The following CD80 variants were observed in gnomAD, a reference collection of about 807,000 sequenced individuals.
CD80 encodes the protein CD80 molecule.
CD80 carries 13 observed loss-of-function variants against 27.1 expected under a neutral mutation model. The observed-to-expected ratio is 0.48, with a 90% CI of 0.31 to 0.76. The LOEUF (loss-of-function observed/expected upper bound fraction) is 0.76, where lower values mean the gene tolerates loss of function less well. Ranked by LOEUF, CD80 falls within the 30% of genes least tolerant of loss-of-function variation. The pLI is 0.04. For missense variants in CD80, 277 were observed against 347.9 expected (o/e 0.80, Z 1.62); for synonymous variants, 125 against 125.5 (o/e 1.00, Z 0.03).
chr3:119,526,698 G>A (rs2082068038), intron 6 of CD80, among the ~76,000 whole-genome samples: 1 of 152,204 alleles, frequency 6.6e-6, no homozygotes, highest in Non-Finnish European at 1.5e-5. Context: ...AGACTAAGAT[G>A]AAATAGTGTT....
Position 119,529,912 on chromosome 3 carries a change from G to A in CD80, c.726C>T (p.Asn242=), listed in dbSNP as rs553482299. The A allele has an allele frequency of 1.6e-4, 264 of 1,613,586 alleles. 1 individual carries two copies. The South Asian group carries it at 2.7e-3, about 16-fold the overall frequency. ...NTTKQEHFPD[N]LLPSWAITLI... ...AGGTAATGGCCCAGGATGGGAGCAG[G>A]TTATCAGGAAAATGCTCTTGCTTGG... Residue 242 remains asparagine (N), a synonymous_variant, in exon 5 of 7, where the codon AAC becomes AAT. Transcript: ENST00000264246.
chr3:119,543,098 TA>T, intron 3 of CD80, among the ~76,000 whole-genome samples: 1 of 152,330 alleles, frequency 6.6e-6, no homozygotes, highest in African/African-American at 2.4e-5. Context: ...TAGTTATCCT[TA>T]AAAACTCTGC....
chr3:119,557,790 C>A lies in CD80; in HGVS notation c.-62G>T, dbSNP rs143035713. On this transcript the variant is annotated 5_prime_UTR_variant, in exon 2 of 7. Transcript: ENST00000264246. Reference sequence around the variant, plus strand: ...AATTTGGACCCAAGTAAGACCAGGGCACTTCCCAGGTGCAAAACAGGCAGG... The same window carrying A: ...AATTTGGACCCAAGTAAGACCAGGGAACTTCCCAGGTGCAAAACAGGCAGG... 9.5e-3 allele frequency: 11,580 copies of A among 1,221,450 alleles called. 89 individuals are homozygous for A. The highest frequency in any genetic ancestry group is 0.012 in the Non-Finnish European group (9,977 of 855,212). 75.7% of individuals were successfully genotyped at this position (1,221,450 alleles called of 1,614,324 possible). A position where few individuals can be genotyped will look rare whatever the true frequency, so the allele number is the denominator to read the frequency against.
chr3:119,548,478 T>C (rs2082212923), intron 2 of CD80, among the ~76,000 whole-genome samples: 1 of 152,164 alleles, frequency 6.6e-6, no homozygotes, highest in Admixed American at 6.5e-5. Flanking sequence ...CCAGGGGATA[T>C]GAAAGTCATA....
intron 2 of CD80, 45 bp from the exon 3 acceptor site, chr3:119,544,912 A>G: frequency 6.6e-7 from 1 of 1,505,888 alleles, no homozygotes; most frequent in South Asian, 1.2e-5. Flanking sequence ...TATTAAATAC[A>G]GATTCCTGCA....
chr3:119,537,239 C>G lies in CD80; in HGVS notation c.598G>C (p.Val200Leu). 1 of 1,614,108 alleles carries G rather than the reference C, an allele frequency of 6.2e-7. No homozygotes were observed. Among genetic ancestry groups the G allele is most frequent in the Non-Finnish European group, 8.5e-7 (1 of 1,180,002 alleles). ...SQDPETELYAVSSKLDFNMTT... is the reference protein window; with the variant it reads ...SQDPETELYALSSKLDFNMTT... ...ATATTGAAATCCAGTTTGCTGCTAA[C>G]AGCATAGAGCTCAGTTTCAGGATCT... The change falls in exon 4 of 7, where the codon GTT becomes CTT. Residue 200 changes from valine to leucine, a missense_variant. Transcript: ENST00000264246.
chr3:119,555,776 T>A (rs1015745722), intron 2 of CD80, among the ~76,000 whole-genome samples: 2 of 152,246 alleles, frequency 1.3e-5, no homozygotes, highest in African/African-American at 4.8e-5. Context: ...GCAAGAGCCA[T>A]GTCCCCAGGA....
At chr3:119,552,511 CT>C (rs2082238608) in intron 2 of CD80, among the ~76,000 whole-genome samples, 1 of 66,762 alleles carries the variant, frequency 1.5e-5, no homozygotes, top group Admixed American at 2.0e-4. Flanking sequence ...AAGACTCTGT[CT>C]CAAAAAAAAA....
chr3:119,544,244 G>A lies in CD80; in HGVS notation c.418+306C>T, dbSNP rs549413950. ...TATATTGCTGGGTCAAGTGCAGTTAGTAGCAAGGCTACATCAAATCAAAGA... is the reference window on the plus strand; with the variant it reads ...TATATTGCTGGGTCAAGTGCAGTTAATAGCAAGGCTACATCAAATCAAAGA... On this transcript the variant is annotated intron_variant, in intron 3 of 6. Coordinates refer to ENST00000264246, the MANE Select transcript of CD80 (RefSeq NM_005191.4). 9.5e-5 allele frequency: 35 copies of A among 368,972 alleles called. No homozygotes were observed. In the South Asian group the frequency reaches 1.2e-3, roughly 12 times the overall value. The allele number at this position is 368,972 out of a possible 1,614,324, so 22.9% of individuals were successfully genotyped here.
intron 2 of CD80, among the ~76,000 whole-genome samples, chr3:119,551,627 G>T (rs1317706044): frequency 6.6e-6 from 1 of 152,142 alleles, no homozygotes; most frequent in Non-Finnish European, 1.5e-5. Flanking sequence ...ATAAATCTCT[G>T]TTCTTTCTAA....
intron 4 of CD80, among the ~76,000 whole-genome samples, chr3:119,535,191 CAAAAA>C (rs56348025): frequency 1.2e-5 from 1 of 85,040 alleles, no homozygotes; most frequent in African/African-American, 4.4e-5. Flanking sequence ...GACTCCGTCT[CAAAAA>C]AAAAAAAAAA....
At chr3:119,533,087 C>G (rs1287305758) in intron 4 of CD80, among the ~76,000 whole-genome samples, 1 of 152,210 alleles carries the variant, frequency 6.6e-6, no homozygotes, top group African/African-American at 2.4e-5. Flanking sequence ...GGCTTCAGCT[C>G]ATTCCTGGCT....
At chr3:119,534,123 G>A (rs1308660459) in intron 4 of CD80, among the ~76,000 whole-genome samples, 2 of 152,034 alleles carry the variant, frequency 1.3e-5, no homozygotes, top group Non-Finnish European at 2.9e-5. Flanking sequence ...TAATCACAGC[G>A]CTTTGAGAGG....
intron 2 of CD80, among the ~76,000 whole-genome samples, chr3:119,554,088 C>T (rs1470734706): frequency 6.6e-6 from 1 of 152,250 alleles, no homozygotes; most frequent in African/African-American, 2.4e-5. Flanking sequence ...CTCATATACT[C>T]TGTACCATCT....
chr3:119,528,049 G>A (rs909546668), intron 5 of CD80, among the ~76,000 whole-genome samples: 8 of 152,068 alleles, frequency 5.3e-5, no homozygotes, highest in Non-Finnish European at 8.8e-5. Flanking sequence ...TTGTCGCAAC[G>A]GGCAAGGGGT....
At chr3:119,533,390 G>A (rs577429550) in intron 4 of CD80, among the ~76,000 whole-genome samples, 20 of 144,064 alleles carry the variant, frequency 1.4e-4, no homozygotes, top group African/African-American at 1.3e-4. Flanking sequence ...TGCGCAATCC[G>A]CTTAATTAAT....
At chr3:119,554,395 T>C (rs78738544) in intron 2 of CD80, among the ~76,000 whole-genome samples, 2,021 of 152,222 alleles carry the variant, frequency 0.013, 38 homozygotes, top group African/African-American at 0.045. Context: ...GACCTGACCC[T>C]CTCTTAAAGG....
intron 5 of CD80, among the ~76,000 whole-genome samples, chr3:119,528,433 T>C (rs1335910525): frequency 6.6e-6 from 1 of 152,208 alleles, no homozygotes; most frequent in African/African-American, 2.4e-5. Flanking sequence ...TATGGCCTTA[T>C]TTCGGACCAT....
At chr3:119,556,641 C>A (rs1210045536) in intron 2 of CD80, among the ~76,000 whole-genome samples, 1 of 152,062 alleles carries the variant, frequency 6.6e-6, no homozygotes, top group Admixed American at 6.6e-5. Flanking sequence ...ATCTGTGGGC[C>A]CCCAACTCCT....
Sources: allele counts gnomAD v4.1 joint callset (sites outside exome capture counted in the v4.1 genomes callset), GRCh38; gene constraint gnomAD v4.1.1; transcripts MANE v1.5; gene names NCBI Gene and HGNC (gene_info 2026-07-23, HGNC 2026-07-21).